The following KCNN2 variants were observed in gnomAD, a reference collection of about 807,000 sequenced individuals.
KCNN2 encodes potassium calcium-activated channel subfamily N member 2.
Under a neutral mutation model 55.5 loss-of-function variants are expected in KCNN2, and 24 were observed. That is an observed-to-expected ratio of 0.43 (90% CI 0.31 to 0.61). The LOEUF is 0.61. Ranked by LOEUF, KCNN2 falls within the 20% of genes least tolerant of loss-of-function variation. The probability of loss-of-function intolerance (pLI) is 0.08; values close to 1 mark genes in which losing one functional copy is unlikely to be tolerated. For missense variants in KCNN2, 754 were observed against 853.6 expected (o/e 0.88, Z 1.45); for synonymous variants, 431 against 336.1 (o/e 1.28, Z -3.09).
chr5:114,156,670 T>G (rs1383294150), intron 1 of KCNN2, among the ~76,000 whole-genome samples: 1 of 152,280 alleles, frequency 6.6e-6, no homozygotes, highest in South Asian at 2.1e-4. Context: ...TTTCATGATT[T>G]GGCTCTTGGC....
chr5:114,243,866 G>A (rs1452813181), intron 2 of KCNN2, among the ~76,000 whole-genome samples: 3 of 152,160 alleles, frequency 2.0e-5, no homozygotes, highest in African/African-American at 7.2e-5. Context: ...GAATAAACAG[G>A]AGATGAGCAA....
chr5:114,452,244 T>C (rs997604531), intron 3 of KCNN2, among the ~76,000 whole-genome samples: 1 of 152,206 alleles, frequency 6.6e-6, no homozygotes, highest in African/African-American at 2.4e-5. Context: ...AGGTTTTTAT[T>C]AAAGTGTTTG....
At chr5:114,363,530 T>C (rs1435957148) in intron 1 of KCNN2, among the ~76,000 whole-genome samples, 1 of 152,226 alleles carries the variant, frequency 6.6e-6, no homozygotes, top group African/African-American at 2.4e-5. Context: ...TGGAAGTCGG[T>C]GGGGAAACCA....
chr5:114,449,313 G>A (rs1760547645), intron 3 of KCNN2, among the ~76,000 whole-genome samples: 2 of 152,138 alleles, frequency 1.3e-5, no homozygotes, highest in South Asian at 4.1e-4. Context: ...GTGTAGGGTA[G>A]AAGGGAGCAA....
At chr5:114,472,144 C>T (rs1761773492) in intron 4 of KCNN2, among the ~76,000 whole-genome samples, 1 of 152,122 alleles carries the variant, frequency 6.6e-6, no homozygotes, top group South Asian at 2.1e-4. Context: ...CCCTTCCCTG[C>T]TGGGAGGTTG....
chr5:114,187,147 T>G (rs1010184078), intron 1 of KCNN2, among the ~76,000 whole-genome samples: 1 of 152,216 alleles, frequency 6.6e-6, no homozygotes, highest in East Asian at 1.9e-4. Context: ...CCTAAATGAC[T>G]GGTTAAGTAT....
chr5:114,413,763 A>G (rs1013168), intron 3 of KCNN2, among the ~76,000 whole-genome samples: 38,028 of 152,120 alleles, frequency 0.25, 4,938 homozygotes, highest in Non-Finnish European at 0.29. Context: ...TCCAACCTCA[A>G]TGATCTCATA....
chr5:114,192,396 A>T (rs1484527663), intron 1 of KCNN2, among the ~76,000 whole-genome samples: 1 of 152,138 alleles, frequency 6.6e-6, no homozygotes, highest in East Asian at 1.9e-4. Flanking sequence ...GTACTTAGGG[A>T]CTATTCACTC....
chr5:114,334,157 G>C (rs1012770893), intron 2 of KCNN2, among the ~76,000 whole-genome samples: 17 of 151,982 alleles, frequency 1.1e-4, no homozygotes, highest in African/African-American at 4.1e-4. Context: ...TAATGGATTA[G>C]TTATTATTTT....
At chr5:114,298,065 A>G (rs367760326) in intron 2 of KCNN2, among the ~76,000 whole-genome samples, 12 of 152,220 alleles carry the variant, frequency 7.9e-5, no homozygotes, top group African/African-American at 2.2e-4. Context: ...GTGTATGTCA[A>G]TTGCTTAAAA....
At chr5:114,105,499 A>G (rs1561477827) in intron 1 of KCNN2, among the ~76,000 whole-genome samples, 1 of 152,100 alleles carries the variant, frequency 6.6e-6, no homozygotes. Context: ...AAAATGATAA[A>G]TTGACATGAG....
At chr5:114,353,732 G>A (rs1178114904) in intron 2 of KCNN2, among the ~76,000 whole-genome samples, 3 of 151,840 alleles carry the variant, frequency 2.0e-5, no homozygotes, top group African/African-American at 7.2e-5. Flanking sequence ...TTACAGATTT[G>A]TTTTTCTTTC....
rs1756854575 is a variant in KCNN2 at position 114,333,082 on chromosome 5, C to T, written c.-184-27863C>T. ...GTTTATTTGGCAACATACAGTGATT[C>T]ACACCCTCTAAAAGTTTACAGTCAG... On this transcript the variant is annotated intron_variant, in intron 2 of 10. Coordinates refer to the KCNN2 transcript ENST00000512097. Among the ~76,000 whole-genome samples the T allele has an allele frequency of 1.3e-5, 2 of 152,152 alleles. 1 individual carries two copies. Among genetic ancestry groups the T allele is most frequent in the South Asian group, 4.1e-4 (2 of 4,828 alleles).
chr5:114,486,797 T>C, intron 5 of KCNN2: 1 of 1,353,358 alleles, frequency 7.4e-7, no homozygotes, highest in Non-Finnish European at 9.7e-7. Context: ...AGAAGTTTCC[T>C]GAAGGAGTAA....
rs1424925456 is a variant in KCNN2, at chr5:114,362,650, G to T, written c.511G>T (p.Gly171Cys). 1 of 1,312,702 alleles carries T rather than the reference G, an allele frequency of 7.6e-7. No homozygotes were observed. The highest frequency in any genetic ancestry group is 1.0e-6 in the Non-Finnish European group (1 of 992,920). The allele number at this position is 1,312,702 out of a possible 1,614,324, so 81.3% of individuals were successfully genotyped here. The change falls in exon 1 of 8, where the codon GGC becomes TGC. Residue 171 changes from glycine (G) to cysteine (C), a missense_variant. Transcript: ENST00000673685. Reference protein sequence around the residue: ...HSLQPAASPTGSLGSLGSGPP... With the variant: ...HSLQPAASPTCSLGSLGSGPP... ...CCTGCAGCCCGCCGCCAGCCCCACG[G>T]GCAGCCTCGGCAGTCTGGGCTCCGG... is the stretch of plus-strand genomic sequence containing the variant.
chr5:114,093,661 C>T (rs924088181), intron 1 of KCNN2, among the ~76,000 whole-genome samples: 4 of 152,134 alleles, frequency 2.6e-5, no homozygotes, highest in Non-Finnish European at 5.9e-5. Flanking sequence ...AAACAAGGCA[C>T]CTTCTTCATA....
intron 3 of KCNN2, among the ~76,000 whole-genome samples, chr5:114,431,214 G>T (rs532836840): frequency 6.6e-6 from 1 of 152,138 alleles, no homozygotes; most frequent in South Asian, 2.1e-4. Flanking sequence ...GAACCCATGT[G>T]GTCCTGGGGC....
At chr5:114,272,063 C>T (rs1755349248) in intron 2 of KCNN2, among the ~76,000 whole-genome samples, 2 of 152,006 alleles carry the variant, frequency 1.3e-5, no homozygotes, top group Admixed American at 6.6e-5. Context: ...TTCTTTTTTT[C>T]TGATCATAAG....
chr5:114,126,047 A>G (rs1010482174), intron 1 of KCNN2, among the ~76,000 whole-genome samples: 2 of 152,088 alleles, frequency 1.3e-5, no homozygotes, highest in African/African-American at 4.8e-5. Flanking sequence ...TGGGTTATAC[A>G]TACATAACAC....
Sources: gnomAD v4.1 joint callset for allele counts (sites outside exome capture counted in the v4.1 genomes callset) on GRCh38, gnomAD v4.1.1 for gene constraint, MANE v1.5 for transcripts, NCBI Gene and HGNC (gene_info 2026-07-23, HGNC 2026-07-21) for gene names.